The following SMARCB1 variants were observed in gnomAD, a reference collection of about 807,000 sequenced individuals.
SMARCB1 encodes the protein SWI/SNF related BAF chromatin remodeling complex subunit B1.
A neutral mutation model predicts 49.0 loss-of-function variants in SMARCB1; 5 were observed. The observed-to-expected ratio is 0.10, with a 90% CI of 0.05 to 0.21. The LOEUF (loss-of-function observed/expected upper bound fraction) is 0.21. Ranked by LOEUF, SMARCB1 falls within the 10% of genes least tolerant of loss-of-function variation. SMARCB1 has a pLI of 1.00. For synonymous variants in SMARCB1, 201 were observed against 200.1 expected (o/e 1.00, Z -0.04); for missense variants, 226 against 509.2 (o/e 0.44, Z 5.35).
At chr22:23,830,767 T>C (rs1481898283) in intron 7 of SMARCB1, among the ~76,000 whole-genome samples, 4 of 150,038 alleles carry the variant, frequency 2.7e-5, no homozygotes, top group Admixed American at 2.7e-4. Flanking sequence ...GTTCAAGTGA[T>C]TCTCCTACCT....
chr22:23,834,049 C>G, intron 8 of SMARCB1, 92 bp from the exon 9 acceptor site: 2 of 1,374,914 alleles, frequency 1.5e-6, no homozygotes, highest in Admixed American at 2.0e-5. Flanking sequence ...TGTTCCCACC[C>G]CTACACTTGG....
At chr22:23,792,976 G>T (rs2145962469) in intron 2 of SMARCB1, 1 of 175,066 alleles carries the variant, frequency 5.7e-6, no homozygotes, top group African/African-American at 2.4e-5. Flanking sequence ...GGAAGAGCTA[G>T]GGGTCGAGCT....
At chr22:23,825,592 C>T (rs747700417) in intron 7 of SMARCB1, 177 bp downstream of exon 7, 18 of 613,340 alleles carry the variant, frequency 2.9e-5, no homozygotes, top group East Asian at 1.1e-4. Context: ...TCCAGGGCTC[C>T]GCTGTGCCAG....
intron 4 of SMARCB1, 32 bp from the exon 5 acceptor site, chr22:23,803,263 C>G: frequency 6.2e-7 from 1 of 1,613,970 alleles, no homozygotes; most frequent in African/African-American, 1.3e-5. Flanking sequence ...CTCCGGCCCC[C>G]TCGCTGACTG....
chr22:23,806,086 A>G (rs2267032), intron 5 of SMARCB1, among the ~76,000 whole-genome samples: 105,642 of 152,106 alleles, frequency 0.69, 38,086 homozygotes, highest in Non-Finnish European at 0.8. Context: ...TTTGGTGAAC[A>G]TTGCTGGGAG....
chr22:23,799,498 G>A (rs984345704), intron 3 of SMARCB1, among the ~76,000 whole-genome samples: 17 of 134,070 alleles, frequency 1.3e-4, no homozygotes, highest in Non-Finnish European at 2.0e-4. Context: ...GGCTGGTTTC[G>A]AACTCACCTT....
chr22:23,834,355 C>A lies in SMARCB1; in HGVS notation c.*175C>A. On this transcript the variant is annotated 3_prime_UTR_variant, in exon 9 of 9. Coordinates refer to ENST00000644036, the MANE Select transcript of SMARCB1 (RefSeq NM_003073.5). ...CCCGGCACACATTCCATTTGTTGAG[C>A]CCCAGTCCTGCCCCCCACCCCACCC... The A allele has an allele frequency of 1.4e-6, 1 of 739,054 alleles. No homozygotes were observed. Among genetic ancestry groups the A allele is most frequent in the Non-Finnish European group, 2.4e-6 (1 of 420,482 alleles). The allele number at this position is 739,054 out of a possible 1,614,324, so 45.8% of individuals were successfully genotyped here.
chr22:23,834,987 C>T lies in SMARCB1; in HGVS notation c.*807C>T, dbSNP rs1347735085. Reference sequence around the variant, plus strand: ...TGCTGGGCTGTCGCCAGCCTGGGTGCAGGAGGGCTGTTCTAGCTCCAGTGG... The same window carrying T: ...TGCTGGGCTGTCGCCAGCCTGGGTGTAGGAGGGCTGTTCTAGCTCCAGTGG... On this transcript the variant is annotated 3_prime_UTR_variant, in exon 9 of 9. Coordinates refer to ENST00000644036, the MANE Select transcript of SMARCB1 (RefSeq NM_003073.5). The T allele has an allele frequency of 4.6e-6, 7 of 1,510,738 alleles. No individual in the cohort carries two copies. The highest frequency in any genetic ancestry group is 6.2e-6 in the Non-Finnish European group (7 of 1,132,248). 93.6% of individuals were successfully genotyped at this position (1,510,738 alleles called of 1,614,324 possible).
At position 23,800,950 on chromosome 22, in the gene SMARCB1, G is replaced by C. The variant is rs760015392; in HGVS notation, c.369G>C (p.Gln123His). Reference sequence around the variant, plus strand: ...TTTTCTTGTATCTCCTCAGGGAACAGAAGGCCAAGAGGAACAGCCAGTGGG... The same window carrying C: ...TTTTCTTGTATCTCCTCAGGGAACACAAGGCCAAGAGGAACAGCCAGTGGG... ...STEPPTYLRE[Q>H]KAKRNSQWVP... Residue 123 changes from glutamine (Q) to histidine (H), a missense_variant, in exon 4 of 9, where the codon CAG becomes CAC. By Grantham distance (24) the Gln-to-His change is conservative. Around this residue, in one of 6 missense-constraint regions of SMARCB1, gnomAD observed 128 missense variants for 263.9 expected, o/e 0.49. Coordinates refer to ENST00000644036, the MANE Select transcript of SMARCB1 (RefSeq NM_003073.5). 2 of 1,613,504 alleles carry C rather than the reference G, an allele frequency of 1.2e-6. No homozygotes were observed. The highest frequency in any genetic ancestry group is 1.7e-6 in the Non-Finnish European group (2 of 1,179,410).
At chr22:23,803,474 G>T (rs370064081) in intron 5 of SMARCB1, 52 bp downstream of exon 5, 30 of 1,605,154 alleles carry the variant, frequency 1.9e-5, no homozygotes, top group Non-Finnish European at 2.4e-5. Context: ...TGTGTGTTAC[G>T]TGGGAACAGT....
chr22:23,817,020 C>T, intron 6 of SMARCB1, 84 bp downstream of exon 6: 1 of 1,129,876 alleles, frequency 8.9e-7, no homozygotes, highest in Non-Finnish European at 1.3e-6. Flanking sequence ...ACACCAAGGC[C>T]TCAGCAGAAG....
At chr22:23,796,272 C>T (rs1483761928) in intron 3 of SMARCB1, among the ~76,000 whole-genome samples, 1 of 152,090 alleles carries the variant, frequency 6.6e-6, no homozygotes, top group East Asian at 1.9e-4. Flanking sequence ...AATATGGAGT[C>T]GCTTAAGTAT....
At position 23,831,790 on chromosome 22, in the gene SMARCB1, G is replaced by A. The variant is rs905751032; in HGVS notation, c.987-1782G>A. On this transcript the variant is annotated intron_variant, in intron 7 of 8. Coordinates refer to ENST00000644036, the MANE Select transcript of SMARCB1 (RefSeq NM_003073.5). ...AAGGAAGGCTGCTGGGAGCCCTCACGGTGAGGAATGATGTTTGGGGTCTGA... is the reference window on the plus strand; with the variant it reads ...AAGGAAGGCTGCTGGGAGCCCTCACAGTGAGGAATGATGTTTGGGGTCTGA... Among the ~76,000 whole-genome samples, 7 of 152,258 alleles carry A rather than the reference G, an allele frequency of 4.6e-5. No individual in the cohort carries two copies. In the South Asian group the frequency reaches 1.2e-3, roughly 27 times the overall value.
intron 5 of SMARCB1, among the ~76,000 whole-genome samples, chr22:23,811,614 A>T (rs1052812814): frequency 3.3e-5 from 5 of 152,270 alleles, no homozygotes; most frequent in Non-Finnish European, 7.3e-5. Flanking sequence ...TTCAAAGAGG[A>T]AGTCTGTAGG....
At chr22:23,798,072 G>T (rs1469761510) in intron 3 of SMARCB1, among the ~76,000 whole-genome samples, 2 of 151,790 alleles carry the variant, frequency 1.3e-5, no homozygotes, top group Admixed American at 6.6e-5. Context: ...GGCAGGATGA[G>T]GGGGCAGGGG....
At chr22:23,809,467 G>C (rs1929730488) in intron 5 of SMARCB1, among the ~76,000 whole-genome samples, 1 of 151,484 alleles carries the variant, frequency 6.6e-6, no homozygotes. Context: ...AGTAGAGAGG[G>C]GTTTCTCCAT....
Position 23,801,076 on chromosome 22 carries a change from C to G in SMARCB1, c.495C>G (p.Pro165=), listed in dbSNP as rs972863493. ...GCCGAGACAAGAAGAGAACCTTCCC[C>G]CTTTGGTGTGGATGCATCGCTGCAC... The part of the protein sequence containing the change: ...RMGRDKKRTF[P]LCFDDHDPAV... The change falls in exon 4 of 9, where the codon CCC becomes CCG. Residue 165 remains proline, a synonymous_variant. Transcript: ENST00000644036. 3 of 1,614,210 alleles carry G rather than the reference C, an allele frequency of 1.9e-6. No individual in the cohort carries two copies. Among genetic ancestry groups the G allele is most frequent in the Non-Finnish European group, 2.5e-6 (3 of 1,180,046 alleles).
At chr22:23,810,779 C>A (rs1445749860) in intron 5 of SMARCB1, among the ~76,000 whole-genome samples, 1 of 152,026 alleles carries the variant, frequency 6.6e-6, no homozygotes, top group Non-Finnish European at 1.5e-5. Flanking sequence ...CCTGTAATCG[C>A]GGCATTTTGG....
At chr22:23,789,379 T>A (rs1014757691) in intron 1 of SMARCB1, among the ~76,000 whole-genome samples, 2 of 152,200 alleles carry the variant, frequency 1.3e-5, no homozygotes, top group Non-Finnish European at 2.9e-5. Flanking sequence ...CCTGATCTAA[T>A]GGGTGTAAAA....
Sources: allele counts gnomAD v4.1 joint callset (sites outside exome capture counted in the v4.1 genomes callset), GRCh38; gene constraint gnomAD v4.1.1; regional missense constraint gnomAD v4.1.1; transcripts MANE v1.5; gene names NCBI Gene and HGNC (gene_info 2026-07-23, HGNC 2026-07-21).